Variants in BACH2 observed in about 807,000 individuals in gnomAD.
The protein encoded by BACH2 is BACH transcriptional regulator 2.
Under a neutral mutation model 61.8 loss-of-function variants are expected in BACH2, and 5 were observed. The observed-to-expected ratio is 0.08, with a 90% CI of 0.04 to 0.17. The LOEUF is 0.17. Among genes scored for constraint, BACH2 ranks in the 10% least tolerant of loss-of-function variants. The pLI, the probability that BACH2 is intolerant of heterozygous loss-of-function variation, is 1.00. For synonymous variants in BACH2, 446 were observed against 440.1 expected (o/e 1.01, Z -0.17); for missense variants, 824 against 1,091.1 (o/e 0.76, Z 3.45).
At chr6:90,018,700 C>T (rs539540419) in intron 5 of BACH2, among the ~76,000 whole-genome samples, 14 of 152,132 alleles carry the variant, frequency 9.2e-5, no homozygotes, top group African/African-American at 3.4e-4. Context: ...TTTGTAATAC[C>T]CAATTACAAA....
intron 3 of BACH2, among the ~76,000 whole-genome samples, chr6:90,230,058 C>T (rs1371096107): frequency 1.3e-5 from 2 of 152,188 alleles, no homozygotes; most frequent in Non-Finnish European, 2.9e-5. Flanking sequence ...AATGGGGCCC[C>T]AAGATCCTTA....
At chr6:90,064,958 C>T (rs570626316) in intron 5 of BACH2, among the ~76,000 whole-genome samples, 14 of 152,084 alleles carry the variant, frequency 9.2e-5, no homozygotes, top group Non-Finnish European at 1.9e-4. Context: ...ATGCTGGACA[C>T]TGGGGTCGGG....
chr6:90,137,869 T>C (rs1784328296), intron 4 of BACH2, among the ~76,000 whole-genome samples: 1 of 152,148 alleles, frequency 6.6e-6, no homozygotes, highest in Non-Finnish European at 1.5e-5. Context: ...CCAGGCAGTG[T>C]GGGACAGCTG....
intron 3 of BACH2, among the ~76,000 whole-genome samples, chr6:90,221,975 T>C (rs1348399091): frequency 6.6e-6 from 1 of 152,184 alleles, no homozygotes; most frequent in Non-Finnish European, 1.5e-5. Flanking sequence ...ACTAAACCTG[T>C]AATTTAAAAC....
At chr6:89,953,662 A>G (rs1774254625) in intron 6 of BACH2, among the ~76,000 whole-genome samples, 1 of 152,228 alleles carries the variant, frequency 6.6e-6, no homozygotes, top group Non-Finnish European at 1.5e-5. Flanking sequence ...GGTCTCTCAC[A>G]TGGTAAATAC....
intron 4 of BACH2, among the ~76,000 whole-genome samples, chr6:90,178,397 C>T (rs1051385149): frequency 6.6e-6 from 1 of 152,126 alleles, no homozygotes; most frequent in African/African-American, 2.4e-5. Context: ...CAAAAAGATT[C>T]TTAACATATT....
intron 4 of BACH2, among the ~76,000 whole-genome samples, chr6:90,174,409 G>A (rs1238839808): frequency 1.3e-5 from 2 of 151,906 alleles, no homozygotes; most frequent in Non-Finnish European, 2.9e-5. Flanking sequence ...ACTGGATAAA[G>A]GATATCACAA....
chr6:90,246,326 C>T lies in BACH2; in HGVS notation c.-275+6187G>A, dbSNP rs1192495119. 2.6e-5 allele frequency among the ~76,000 whole-genome samples: 4 copies of T among 152,114 alleles called. No individual in the cohort carries two copies. The South Asian group carries it at 8.3e-4, about 32-fold the overall frequency. ...TCAACTTCTGAAAGTTATAAAACAT[C>T]AATTTTAAATACAATTTTTCCACTT... On this transcript the variant is annotated intron_variant, in intron 3 of 8. Transcript: ENST00000257749.
At chr6:89,953,018 G>A (rs2128357370) in intron 6 of BACH2, 1 of 152,340 alleles carries the variant, frequency 6.6e-6, no homozygotes, top group South Asian at 2.1e-4. Context: ...CAAATCAAAT[G>A]AAAGCAGCAA....
chr6:89,958,071 T>G (rs994625851), intron 6 of BACH2, among the ~76,000 whole-genome samples: 5 of 152,210 alleles, frequency 3.3e-5, no homozygotes, highest in Non-Finnish European at 7.3e-5. Context: ...AATGTAAAAA[T>G]CCTTCCCCTA....
intron 5 of BACH2, among the ~76,000 whole-genome samples, chr6:90,046,110 A>G (rs1296828050): frequency 1.3e-5 from 2 of 152,216 alleles, no homozygotes; most frequent in Admixed American, 6.5e-5. Flanking sequence ...TCCACGTCTG[A>G]AAGAGTGAAA....
chr6:90,165,572 G>C (rs528693524), intron 4 of BACH2, among the ~76,000 whole-genome samples: 82 of 152,120 alleles, frequency 5.4e-4, no homozygotes, highest in African/African-American at 1.6e-3. Flanking sequence ...AAGTTCATAT[G>C]GAACCAAAAA....
At chr6:89,955,428 G>C (rs533352707) in intron 6 of BACH2, among the ~76,000 whole-genome samples, 2 of 152,322 alleles carry the variant, frequency 1.3e-5, no homozygotes, top group East Asian at 3.9e-4. Context: ...CAGGATAGGA[G>C]ACTACTGAGG....
intron 4 of BACH2, among the ~76,000 whole-genome samples, chr6:90,136,824 G>T (rs1260382460): frequency 6.6e-6 from 1 of 151,542 alleles, no homozygotes; most frequent in East Asian, 1.9e-4. Flanking sequence ...ACTAAACCAT[G>T]CTATTTTTCT....
intron 5 of BACH2, among the ~76,000 whole-genome samples, chr6:90,077,880 C>T (rs4053608): frequency 0.37 from 56,198 of 151,914 alleles, 11,828 homozygotes; most frequent in East Asian, 0.82. Flanking sequence ...TTTGAAGTCT[C>T]AGCATCTAAT....
At chr6:89,970,764 C>T (rs918656413) in intron 6 of BACH2, among the ~76,000 whole-genome samples, 1 of 152,118 alleles carries the variant, frequency 6.6e-6, no homozygotes, top group Non-Finnish European at 1.5e-5. Flanking sequence ...ATGCCCAGGC[C>T]CCCACCTGGG....
At chr6:90,223,554 G>A (rs550171697) in intron 3 of BACH2, among the ~76,000 whole-genome samples, 3 of 152,074 alleles carry the variant, frequency 2.0e-5, no homozygotes, top group East Asian at 1.9e-4. Flanking sequence ...CTGCAGCCTC[G>A]ACCTCCTGGG....
chr6:90,193,217 C>G (rs1294634691), intron 4 of BACH2, among the ~76,000 whole-genome samples: 4 of 152,156 alleles, frequency 2.6e-5, no homozygotes, highest in African/African-American at 4.8e-5. Context: ...TGGTGAAGTC[C>G]TAACCCCCAG....
At chr6:90,005,589 G>A (rs762988257) in intron 6 of BACH2, among the ~76,000 whole-genome samples, 6 of 152,164 alleles carry the variant, frequency 3.9e-5, no homozygotes, top group Non-Finnish European at 8.8e-5. Flanking sequence ...ATTTCAGTGT[G>A]CACACAGCAA....
Sources: gnomAD v4.1 joint callset for allele counts (sites outside exome capture counted in the v4.1 genomes callset) on GRCh38, gnomAD v4.1.1 for gene constraint, MANE v1.5 for transcripts, NCBI Gene and HGNC (gene_info 2026-07-23, HGNC 2026-07-21) for gene names.